Variants in FREY1 observed in about 807,000 individuals in gnomAD.
FREY1 encodes the protein protein Frey 1.
chr11:45,906,733 C>G, the FREY1 span: 2 of 1,576,850 alleles, frequency 1.3e-6, no homozygotes, highest in Non-Finnish European at 8.6e-7. Flanking sequence ...GGGCAGCTGG[C>G]TCTGATGGAA....
At chr11:45,907,155 G>A in the FREY1 span, 1 of 1,557,080 alleles carries the variant, frequency 6.4e-7, no homozygotes, top group Non-Finnish European at 8.7e-7. Flanking sequence ...CTCAGAGGCT[G>A]GGAGCGAAGC....
At chr11:45,907,078 G>T in the FREY1 span, 1 of 1,518,816 alleles carries the variant, frequency 6.6e-7, no homozygotes. Flanking sequence ...CCCCACTCCA[G>T]AGAGGGGAGG....
At chr11:45,907,126 T>A in the FREY1 span, 7 of 1,554,214 alleles carry the variant, frequency 4.5e-6, no homozygotes, top group Non-Finnish European at 6.1e-6. Flanking sequence ...TGCCCTGCCC[T>A]CTGTGCCCCA....
the FREY1 span, chr11:45,907,237 G>A: frequency 1.5e-5 from 23 of 1,550,372 alleles, no homozygotes; most frequent in Admixed American, 2.4e-4. Flanking sequence ...CCAGCATGGC[G>A]AGAACCATCT....
At chr11:45,906,638 C>G in the FREY1 span, 1 of 1,596,632 alleles carries the variant, frequency 6.3e-7, no homozygotes, top group South Asian at 1.1e-5. Flanking sequence ...GGGCCCTAGA[C>G]AGGAGGGGTC....
the FREY1 span, chr11:45,906,761 C>G: frequency 3.8e-6 from 6 of 1,596,240 alleles, no homozygotes; most frequent in Non-Finnish European, 5.1e-6. Flanking sequence ...CACCCTTGAA[C>G]AGATGTGGTT....
chr11:45,906,615 C>G, the FREY1 span: 2 of 1,589,008 alleles, frequency 1.3e-6, no homozygotes, highest in Non-Finnish European at 1.7e-6. Flanking sequence ...GGGCCCGTCC[C>G]GCTTGCGCTG....
the FREY1 span, chr11:45,906,638 C>T: frequency 1.3e-6 from 2 of 1,596,632 alleles, no homozygotes; most frequent in Non-Finnish European, 1.7e-6. Context: ...GGGCCCTAGA[C>T]AGGAGGGGTC....
At chr11:45,906,764 A>G in the FREY1 span, 7 of 1,598,148 alleles carry the variant, frequency 4.4e-6, no homozygotes, top group East Asian at 1.3e-4. Flanking sequence ...CCTTGAACAG[A>G]TGTGGTTTGG....
the FREY1 span, chr11:45,906,911 C>G: frequency 5.6e-6 from 9 of 1,613,768 alleles, 1 homozygote; most frequent in Admixed American, 1.3e-4. Context: ...TCCAGGGGGG[C>G]GGAAAATGCC....
the FREY1 span, chr11:45,906,925 G>A: frequency 1.9e-6 from 3 of 1,613,736 alleles, no homozygotes; most frequent in Non-Finnish European, 2.5e-6. Flanking sequence ...AAATGCCTCA[G>A]GAACAGACCG....
At chr11:45,907,131 G>T in the FREY1 span, 1 of 1,554,818 alleles carries the variant, frequency 6.4e-7, no homozygotes, top group East Asian at 2.4e-5. Flanking sequence ...TGCCCTCTGT[G>T]CCCCAGGAGT....
At chr11:45,906,949 G>A in the FREY1 span, 3 of 1,613,712 alleles carry the variant, frequency 1.9e-6, no homozygotes, top group Non-Finnish European at 1.7e-6. Flanking sequence ...AGACCTGTGG[G>A]AGATGTCGGG....
chr11:45,906,928 A>T, the FREY1 span: 1 of 1,613,786 alleles, frequency 6.2e-7, no homozygotes, highest in Non-Finnish European at 8.5e-7. Context: ...TGCCTCAGGA[A>T]CAGACCGCTG....
At chr11:45,906,978 G>C in the FREY1 span, 2 of 1,610,008 alleles carry the variant, frequency 1.2e-6, no homozygotes, top group South Asian at 2.2e-5. Context: ...CCCTGGCCCA[G>C]AAGGCCACCG....
At chr11:45,907,221 G>C in the FREY1 span, 1 of 1,554,542 alleles carries the variant, frequency 6.4e-7, no homozygotes, top group Admixed American at 1.9e-5. Flanking sequence ...CGGGGGTGCA[G>C]AGCCCCCAGC....
the FREY1 span, chr11:45,906,782 A>C: frequency 6.2e-7 from 1 of 1,603,572 alleles, no homozygotes; most frequent in Non-Finnish European, 8.5e-7. Context: ...TGGGATGACA[A>C]GCCCCTGAAG....
chr11:45,906,750 T>C, the FREY1 span: 149 of 1,583,070 alleles, frequency 9.4e-5, no homozygotes, highest in Non-Finnish European at 1.2e-4. Context: ...GGAACTGAAG[T>C]CACCCTTGAA....
chr11:45,907,257 G>A, the FREY1 span: 5 of 1,533,188 alleles, frequency 3.3e-6, no homozygotes, highest in South Asian at 4.9e-5. Flanking sequence ...TCCTACACGG[G>A]TCCTGGCTCC....
Sources: gnomAD v4.1 joint callset for allele counts on GRCh38, gnomAD v4.1.1 for gene constraint, MANE v1.5 for transcripts, NCBI Gene and HGNC (gene_info 2026-07-23, HGNC 2026-07-21) for gene names.